Variants in RAB38 observed in about 807,000 individuals in gnomAD.
The protein encoded by RAB38 is ras-related protein Rab-38.
A neutral mutation model predicts 18.4 loss-of-function variants in RAB38; 15 were observed. The observed-to-expected ratio is 0.82, with a 90% CI of 0.55 to 1.26. The LOEUF (loss-of-function observed/expected upper bound fraction) is 1.26. Ranked by LOEUF, RAB38 falls within the 50% of genes most tolerant of loss-of-function variation. The pLI, the probability that RAB38 is intolerant of heterozygous loss-of-function variation, is 0.00. For missense variants in RAB38, 294 were observed against 267.4 expected, an observed-to-expected ratio of 1.10 and a Z score of -0.69; for synonymous variants, 101 against 104.4, an observed-to-expected ratio of 0.97 and a Z score of 0.20.
At chr11:88,149,529 C>T in intron 2 of RAB38, 146 bp downstream of exon 2, 1 of 981,474 alleles carries the variant, frequency 1.0e-6, no homozygotes, top group Non-Finnish European at 1.5e-6. Flanking sequence ...ACTCATTGCA[C>T]TGAGATGAGA....
chr11:88,049,455 A>AC, the RAB38 span, among the ~76,000 whole-genome samples: 6 of 150,178 alleles, frequency 4.0e-5, no homozygotes, highest in East Asian at 7.9e-4. Flanking sequence ...CCAGAGAATA[A>AC]CCCCCCCGAT....
chr11:88,083,403 G>T, the RAB38 span, among the ~76,000 whole-genome samples: 7 of 151,794 alleles, frequency 4.6e-5, no homozygotes, highest in African/African-American at 1.7e-4. Flanking sequence ...ACAATGGATG[G>T]AGTCTTATTT....
At chr11:88,154,405 A>G (rs755651967) in intron 1 of RAB38, among the ~76,000 whole-genome samples, 58 of 152,244 alleles carry the variant, frequency 3.8e-4, no homozygotes, top group Non-Finnish European at 6.3e-4. Flanking sequence ...ACCTTGGGAC[A>G]GGAGGAGGGC....
the RAB38 span, among the ~76,000 whole-genome samples, chr11:87,865,745 G>T: frequency 6.6e-6 from 1 of 151,682 alleles, no homozygotes; most frequent in African/African-American, 2.4e-5. Flanking sequence ...GAGAGATTGA[G>T]AAATTGTGAG....
chr11:87,975,484 G>T, the RAB38 span, among the ~76,000 whole-genome samples: 1 of 151,830 alleles, frequency 6.6e-6, no homozygotes, highest in Non-Finnish European at 1.5e-5. Context: ...TAAAAAATCA[G>T]AACTACAACA....
the RAB38 span, chr11:88,097,775 G>C: frequency 6.6e-6 from 1 of 151,876 alleles, no homozygotes; most frequent in Non-Finnish European, 1.5e-5. Context: ...GGACAGGATA[G>C]GGCTTCTGAA....
chr11:88,157,810 T>C (rs1385045957), intron 1 of RAB38, among the ~76,000 whole-genome samples: 3 of 152,098 alleles, frequency 2.0e-5, no homozygotes, highest in Non-Finnish European at 2.9e-5. Flanking sequence ...GGACACAGCA[T>C]ACCAAAATCT....
At chr11:87,929,398 A>T in the RAB38 span, among the ~76,000 whole-genome samples, 2 of 151,242 alleles carry the variant, frequency 1.3e-5, no homozygotes, top group East Asian at 3.9e-4. Flanking sequence ...ATTAAATTTC[A>T]TTCTTATTAA....
chr11:87,926,235 C>G, the RAB38 span, among the ~76,000 whole-genome samples: 1 of 151,980 alleles, frequency 6.6e-6, no homozygotes, highest in Non-Finnish European at 1.5e-5. Context: ...CCTAGTTTCT[C>G]TTTCACATCT....
chr11:87,804,006 A>G, the RAB38 span, among the ~76,000 whole-genome samples: 1 of 152,186 alleles, frequency 6.6e-6, no homozygotes, highest in African/African-American at 2.4e-5. Flanking sequence ...CCACATATGC[A>G]TATGCCAGGT....
At chr11:87,821,921 TATATA>T in the RAB38 span, among the ~76,000 whole-genome samples, 1 of 151,926 alleles carries the variant, frequency 6.6e-6, no homozygotes, top group African/African-American at 2.4e-5. Flanking sequence ...ATAATAATAT[TATATA>T]AGCTGGAGAA....
the RAB38 span, among the ~76,000 whole-genome samples, chr11:88,054,322 T>A: frequency 6.6e-6 from 1 of 152,186 alleles, no homozygotes; most frequent in African/African-American, 2.4e-5. Flanking sequence ...TCTGGGTAGT[T>A]TTCTGCATTC....
At chr11:87,864,921 G>C in the RAB38 span, among the ~76,000 whole-genome samples, 3 of 151,776 alleles carry the variant, frequency 2.0e-5, no homozygotes, top group Non-Finnish European at 4.4e-5. Context: ...CATCTATCCA[G>C]CTTCTGTATT....
chr11:88,092,335 A>G, the RAB38 span, among the ~76,000 whole-genome samples: 1 of 38,040 alleles, frequency 2.6e-5, no homozygotes, highest in Admixed American at 2.4e-4. Context: ...GCAGAGAGAG[A>G]GAGAGAGAGA....
chr11:88,113,186 T>A (rs1011379191), downstream of RAB38: 10 of 146,370 alleles, frequency 6.8e-5, no homozygotes, highest in African/African-American at 2.4e-4. Context: ...AGAACCCTGT[T>A]TACTTTGTCC....
At chr11:87,878,078 C>A in the RAB38 span, among the ~76,000 whole-genome samples, 3 of 150,198 alleles carry the variant, frequency 2.0e-5, no homozygotes, top group Non-Finnish European at 4.4e-5. Flanking sequence ...TACAGTCTTA[C>A]AACTGAAAAT....
the RAB38 span, among the ~76,000 whole-genome samples, chr11:87,965,730 A>G: frequency 6.6e-6 from 1 of 152,216 alleles, no homozygotes; most frequent in Non-Finnish European, 1.5e-5. Flanking sequence ...CAAAGACTTC[A>G]GTAGCCTGCA....
the RAB38 span, among the ~76,000 whole-genome samples, chr11:87,843,205 C>T: frequency 6.6e-6 from 1 of 152,180 alleles, no homozygotes; most frequent in Admixed American, 6.5e-5. Context: ...CCATGCTGGT[C>T]AGAGGTGAGA....
At chr11:87,940,889 C>A in the RAB38 span, among the ~76,000 whole-genome samples, 1 of 151,974 alleles carries the variant, frequency 6.6e-6, no homozygotes. Context: ...TCCTCGGCCT[C>A]CCAAAGTGCT....
Sources: gnomAD v4.1 joint callset for allele counts (sites outside exome capture counted in the v4.1 genomes callset) on GRCh38, gnomAD v4.1.1 for gene constraint, MANE v1.5 for transcripts, NCBI Gene and HGNC (gene_info 2026-07-23, HGNC 2026-07-21) for gene names.